The following RABEP1 variants were observed in gnomAD, a reference collection of about 807,000 sequenced individuals.
RABEP1 encodes the protein rab GTPase-binding effector protein 1.
In RABEP1, 51 loss-of-function variants were observed where a neutral mutation model predicts 123.4. The ratio of observed to expected loss-of-function variants is 0.41; its 90% CI spans 0.33 to 0.52. RABEP1 has a LOEUF of 0.52. Among genes scored for constraint, RABEP1 ranks in the 20% least tolerant of loss-of-function variants. RABEP1 has a pLI of 0.16. For missense variants in RABEP1, 888 were observed against 996.3 expected (o/e 0.89, Z 1.46); for synonymous variants, 347 against 355.2 (o/e 0.98, Z 0.26).
chr17:5,309,188 A>G (rs904484899), intron 2 of RABEP1, among the ~76,000 whole-genome samples: 5 of 152,214 alleles, frequency 3.3e-5, no homozygotes, highest in African/African-American at 1.2e-4. Context: ...GTTTTACCCA[A>G]CAAATATTCA....
intron 7 of RABEP1, among the ~76,000 whole-genome samples, chr17:5,353,231 C>T (rs1908718812): frequency 6.6e-6 from 1 of 152,192 alleles, no homozygotes; most frequent in East Asian, 1.9e-4. Context: ...CTCCTTTCTC[C>T]CTGGAACCCT....
intron 14 of RABEP1, among the ~76,000 whole-genome samples, chr17:5,377,518 AAATT>A (rs1911093277): frequency 7.9e-6 from 1 of 125,830 alleles, no homozygotes; most frequent in African/African-American, 2.9e-5. Flanking sequence ...GTTATTTAAA[AAATT>A]TTTTTTTTTT....
intron 2 of RABEP1, among the ~76,000 whole-genome samples, chr17:5,331,433 A>G (rs1216629411): frequency 6.6e-6 from 1 of 152,196 alleles, no homozygotes; most frequent in Non-Finnish European, 1.5e-5. Context: ...TAAACCATGT[A>G]GTAGGCACAT....
intron 2 of RABEP1, among the ~76,000 whole-genome samples, chr17:5,320,421 C>CAAAAAA (rs60202531): frequency 2.4e-3 from 206 of 84,568 alleles, no homozygotes; most frequent in East Asian, 8.8e-3. Flanking sequence ...GCTAACACAC[C>CAAAAAA]AAAAAAAAAA....
At chr17:5,361,954 C>T in intron 9 of RABEP1, 1 of 345,414 alleles carries the variant, frequency 2.9e-6, no homozygotes, top group Non-Finnish European at 5.3e-6. Flanking sequence ...GCCTGACTAG[C>T]ATTGCGGAAT....
rs200440899 is a variant in RABEP1 at position 5,385,905 on chromosome 17, A to T, written c.*2682A>T. 9.1e-6 allele frequency: 1 copy of T among 109,928 alleles called. No individual in the cohort carries two copies. Among genetic ancestry groups the T allele is most frequent in the African/African-American group, 6.2e-5 (1 of 16,228 alleles). 6.8% of individuals were successfully genotyped at this position (109,928 alleles called of 1,614,324 possible). A position where few individuals can be genotyped will look rare whatever the true frequency, so the allele number is the denominator to read the frequency against. On this transcript the variant is annotated 3_prime_UTR_variant, in exon 18 of 18. Coordinates refer to ENST00000537505, the MANE Select transcript of RABEP1 (RefSeq NM_004703.6). ...ACTTTAAAACACAGCTCACAAGAAT[A>T]ACTAACTTGCTCAAATATGGAGAAA...
intron 2 of RABEP1, among the ~76,000 whole-genome samples, chr17:5,315,278 G>T (rs7219327): frequency 0.28 from 42,089 of 151,980 alleles, 6,010 homozygotes; most frequent in African/African-American, 0.34. Context: ...TTAAAATAGT[G>T]TTTGCTAATA....
At chr17:5,291,719 C>T (rs1252030010) in intron 1 of RABEP1, among the ~76,000 whole-genome samples, 1 of 152,024 alleles carries the variant, frequency 6.6e-6, no homozygotes, top group Non-Finnish European at 1.5e-5. Context: ...CCAGCCTGGC[C>T]AACATGGCGA....
intron 13 of RABEP1, among the ~76,000 whole-genome samples, chr17:5,374,506 G>A (rs937036621): frequency 6.8e-6 from 1 of 147,862 alleles, no homozygotes; most frequent in African/African-American, 2.5e-5. Context: ...GTGTGATCTT[G>A]GCTCACTGCA....
chr17:5,374,696 G>A (rs1910839589), intron 13 of RABEP1, among the ~76,000 whole-genome samples: 1 of 152,082 alleles, frequency 6.6e-6, no homozygotes, highest in Admixed American at 6.5e-5. Flanking sequence ...CTGGAGTGCA[G>A]TGGCGCAACC....
At chr17:5,289,139 T>C (rs1003378539) in intron 1 of RABEP1, among the ~76,000 whole-genome samples, 2 of 144,960 alleles carry the variant, frequency 1.4e-5, no homozygotes. Context: ...CTTTTTTTGC[T>C]TGCCCTCCCT....
chr17:5,338,520 A>T (rs1354460583), intron 5 of RABEP1, among the ~76,000 whole-genome samples: 1 of 152,188 alleles, frequency 6.6e-6, no homozygotes, highest in Non-Finnish European at 1.5e-5. Context: ...GTGAGCTGAG[A>T]TTGTGCCTTT....
chr17:5,368,508 T>C (rs761498470), intron 12 of RABEP1, 40 bp downstream of exon 12: 2 of 1,419,442 alleles, frequency 1.4e-6, no homozygotes, highest in South Asian at 1.2e-5. Context: ...TATGTTACTA[T>C]ATATTCCTTT....
chr17:5,378,568 G>A, intron 15 of RABEP1: 1 of 330,954 alleles, frequency 3.0e-6, no homozygotes, highest in Non-Finnish European at 5.6e-6. Flanking sequence ...ACAAACAAGA[G>A]ATGACATTTT....
chr17:5,338,485 T>C (rs555437107), intron 5 of RABEP1, among the ~76,000 whole-genome samples: 8 of 152,180 alleles, frequency 5.3e-5, no homozygotes, highest in Admixed American at 1.3e-4. Context: ...GGAGAATCGC[T>C]TGAAGCCCGG....
At chr17:5,286,570 A>G (rs1567860994) in intron 1 of RABEP1, among the ~76,000 whole-genome samples, 1 of 152,194 alleles carries the variant, frequency 6.6e-6, no homozygotes, top group Non-Finnish European at 1.5e-5. Context: ...GCTAGGATCT[A>G]GGAAATACAG....
chr17:5,288,816 G>A (rs1480352056), intron 1 of RABEP1, among the ~76,000 whole-genome samples: 1 of 152,156 alleles, frequency 6.6e-6, no homozygotes, highest in Admixed American at 6.5e-5. Flanking sequence ...CGATTCTCGT[G>A]CCTCAGCCCC....
chr17:5,308,807 T>A lies in RABEP1; in HGVS notation c.148T>A (p.Tyr50Asn). 6.2e-7 allele frequency: 1 copy of A among 1,609,514 alleles called. No homozygotes were observed. The highest frequency in any genetic ancestry group is 8.5e-7 in the Non-Finnish European group (1 of 1,177,078). The change falls in exon 2 of 18, where the codon TAT (tyrosine) becomes AAT (asparagine). Residue 50 changes from tyrosine (Y) to asparagine (N), a missense_variant. By Grantham distance (143) the Tyr-to-Asn change is moderately radical. Coordinates refer to ENST00000537505, the MANE Select transcript of RABEP1 (RefSeq NM_004703.6). ...NQKRAKFKEL[Y>N]LAKEEDLKRQ... Reference sequence around the variant, plus strand: ...AAAGAGAGCAAAATTTAAGGAGTTATATTTGGCTAAAGAGGGTAAGTTCAT... The same window carrying A: ...AAAGAGAGCAAAATTTAAGGAGTTAAATTTGGCTAAAGAGGGTAAGTTCAT...
At chr17:5,322,236 T>A (rs1412661242) in intron 2 of RABEP1, among the ~76,000 whole-genome samples, 2 of 152,072 alleles carry the variant, frequency 1.3e-5, no homozygotes, top group Non-Finnish European at 2.9e-5. Flanking sequence ...TACATGCTTG[T>A]AGTCCCAGCT....
Sources: gnomAD v4.1 joint callset for allele counts (sites outside exome capture counted in the v4.1 genomes callset) on GRCh38, gnomAD v4.1.1 for gene constraint, MANE v1.5 for transcripts, NCBI Gene and HGNC (gene_info 2026-07-23, HGNC 2026-07-21) for gene names.